Variants in PDE4D observed in about 807,000 individuals in gnomAD.
PDE4D encodes 3',5'-cyclic-AMP phosphodiesterase 4D.
Under a neutral mutation model 87.4 loss-of-function variants are expected in PDE4D, and 24 were observed. That is an observed-to-expected ratio of 0.27 (90% CI 0.20 to 0.39). The LOEUF (loss-of-function observed/expected upper bound fraction) is 0.39. PDE4D is among the 10% of genes least tolerant of loss of function. The pLI is 1.00. For synonymous variants in PDE4D, 384 were observed against 383.2 expected, an observed-to-expected ratio of 1.00 and a Z score of -0.02; for missense variants, 714 against 1,041.0, an observed-to-expected ratio of 0.69 and a Z score of 4.32.
intron 1 of PDE4D, among the ~76,000 whole-genome samples, chr5:60,314,049 C>T (rs1755295103): frequency 6.6e-6 from 1 of 152,166 alleles, no homozygotes; most frequent in Non-Finnish European, 1.5e-5. Context: ...TGCCAAATAT[C>T]ACTACTACTC....
intron 1 of PDE4D, among the ~76,000 whole-genome samples, chr5:60,421,987 T>A (rs1320198647): frequency 6.6e-6 from 1 of 151,836 alleles, no homozygotes; most frequent in Non-Finnish European, 1.5e-5. Flanking sequence ...GAAGACAAGT[T>A]TAGAGAAAAA....
chr5:60,441,749 C>T (rs1252432638), intron 1 of PDE4D, among the ~76,000 whole-genome samples: 1 of 151,786 alleles, frequency 6.6e-6, no homozygotes, highest in African/African-American at 2.4e-5. Flanking sequence ...AAGAAAGAAA[C>T]CAAACAACCC....
chr5:60,280,307 T>G (rs11745451), intron 1 of PDE4D, among the ~76,000 whole-genome samples: 1 of 142,502 alleles, frequency 7.0e-6, no homozygotes, highest in Non-Finnish European at 1.5e-5. Flanking sequence ...TTCCTCTATA[T>G]ACATACATAT....
chr5:59,304,895 G>A lies in PDE4D; in HGVS notation c.456-88927C>T, dbSNP rs1581858664. Among the ~76,000 whole-genome samples the A allele has an allele frequency of 2.0e-5, 3 of 152,092 alleles. No individual in the cohort carries two copies. The East Asian group carries it at 5.8e-4, about 29-fold the overall frequency. On this transcript the variant is annotated intron_variant, in intron 1 of 14. Transcript: ENST00000340635. ...GTCCTTTCCTGGTTTTGGTACTAGGGTGATGCTGGCTTCATAGAACGAATT... is the reference window on the plus strand; with the variant it reads ...GTCCTTTCCTGGTTTTGGTACTAGGATGATGCTGGCTTCATAGAACGAATT...
At chr5:59,253,009 A>G (rs1280887177) in intron 1 of PDE4D, among the ~76,000 whole-genome samples, 1 of 152,188 alleles carries the variant, frequency 6.6e-6, no homozygotes, top group Non-Finnish European at 1.5e-5. Flanking sequence ...CATTGCAATT[A>G]GATCATCATC....
intron 1 of PDE4D, among the ~76,000 whole-genome samples, chr5:60,208,142 A>C (rs1265890387): frequency 6.6e-6 from 1 of 152,242 alleles, no homozygotes; most frequent in Non-Finnish European, 1.5e-5. Context: ...TAAGTTAATA[A>C]GTAAATATAA....
intron 1 of PDE4D, among the ~76,000 whole-genome samples, chr5:59,654,978 T>C (rs1453044959): frequency 1.3e-5 from 2 of 152,206 alleles, no homozygotes; most frequent in Non-Finnish European, 1.5e-5. Flanking sequence ...TTGGATTGTT[T>C]CCACTTTTTG....
intron 1 of PDE4D, among the ~76,000 whole-genome samples, chr5:60,420,589 G>A (rs1209131409): frequency 1.3e-5 from 2 of 152,152 alleles, no homozygotes; most frequent in Non-Finnish European, 2.9e-5. Flanking sequence ...ATTCCAAGAT[G>A]GCCAAATAGG....
At chr5:59,087,401 G>A (rs1375052889) in intron 5 of PDE4D, among the ~76,000 whole-genome samples, 7 of 151,996 alleles carry the variant, frequency 4.6e-5, no homozygotes, top group East Asian at 1.9e-4. Flanking sequence ...CAGGAGGATC[G>A]TTTGAGCCTG....
At chr5:60,367,286 T>G (rs1760638693) in intron 1 of PDE4D, among the ~76,000 whole-genome samples, 1 of 151,844 alleles carries the variant, frequency 6.6e-6, no homozygotes, top group African/African-American at 2.4e-5. Context: ...CCATCTCTAC[T>G]AAAAATACAA....
chr5:59,295,138 G>T (rs914129408), intron 1 of PDE4D, among the ~76,000 whole-genome samples: 2 of 152,126 alleles, frequency 1.3e-5, no homozygotes, highest in African/African-American at 2.4e-5. Context: ...AAGCGTCCAT[G>T]AACCATTTGA....
chr5:59,617,105 C>T (rs1195087355), intron 1 of PDE4D, among the ~76,000 whole-genome samples: 2 of 151,422 alleles, frequency 1.3e-5, no homozygotes, highest in Admixed American at 1.3e-4. Context: ...AAAAATATAT[C>T]CTCCAACATG....
At chr5:59,545,815 C>T (rs796281563) in intron 1 of PDE4D, among the ~76,000 whole-genome samples, 2 of 151,888 alleles carry the variant, frequency 1.3e-5, no homozygotes, top group African/African-American at 4.8e-5. Flanking sequence ...TTTAAAAATA[C>T]AAATCTTTGA....
At chr5:59,274,045 A>C (rs554837030) in intron 1 of PDE4D, among the ~76,000 whole-genome samples, 1 of 152,242 alleles carries the variant, frequency 6.6e-6, no homozygotes, top group South Asian at 2.1e-4. Flanking sequence ...TGTATATTAT[A>C]AATTCTGTTT....
rs542667934 is a variant in PDE4D, at chr5:59,516,270, C to T, written c.456-300302G>A. 2.6e-5 allele frequency among the ~76,000 whole-genome samples: 4 copies of T among 152,300 alleles called. No individual in the cohort carries two copies. In the South Asian group the frequency reaches 8.3e-4, roughly 32 times the overall value. Reference sequence around the variant, plus strand: ...TTTAGAATCGATGTTTGGTCTCTTGCCTATCCCTCCTCCCCAGGCAGTCAC... The same window carrying T: ...TTTAGAATCGATGTTTGGTCTCTTGTCTATCCCTCCTCCCCAGGCAGTCAC... On this transcript the variant is annotated intron_variant, in intron 1 of 14. Coordinates refer to ENST00000340635, the MANE Select transcript of PDE4D (RefSeq NM_001104631.2).
intron 1 of PDE4D, among the ~76,000 whole-genome samples, chr5:60,238,345 C>G (rs1242581714): frequency 6.6e-6 from 1 of 151,926 alleles, no homozygotes. Flanking sequence ...GAGTATCATG[C>G]TATTTCAAAA....
intron 5 of PDE4D, chr5:59,039,411 C>A: frequency 2.0e-6 from 2 of 999,378 alleles, no homozygotes; most frequent in Non-Finnish European, 2.4e-6. Context: ...TCTCCTCGGT[C>A]CCCAACCCGG....
intron 1 of PDE4D, among the ~76,000 whole-genome samples, chr5:59,604,941 CACAA>C (rs1379406666): frequency 6.6e-6 from 1 of 152,010 alleles, no homozygotes; most frequent in Non-Finnish European, 1.5e-5. Context: ...CTCAAGTGCA[CACAA>C]ACATACACAC....
At chr5:59,571,185 G>A (rs566423139) in intron 1 of PDE4D, among the ~76,000 whole-genome samples, 1 of 152,160 alleles carries the variant, frequency 6.6e-6, no homozygotes, top group Non-Finnish European at 1.5e-5. Flanking sequence ...TTTGGCTGAC[G>A]TAAAGCACAT....
Sources: allele counts gnomAD v4.1 joint callset (sites outside exome capture counted in the v4.1 genomes callset), GRCh38; gene constraint gnomAD v4.1.1; transcripts MANE v1.5; gene names NCBI Gene and HGNC (gene_info 2026-07-23, HGNC 2026-07-21).